The following NAPB variants were observed in gnomAD, a reference collection of about 807,000 sequenced individuals.
The protein encoded by NAPB is NSF attachment protein beta.
A neutral mutation model predicts 44.7 loss-of-function variants in NAPB; 26 were observed. The ratio of observed to expected loss-of-function variants is 0.58; its 90% confidence interval spans 0.43 to 0.81. NAPB has a LOEUF of 0.81. NAPB is among the 30% of genes least tolerant of loss of function. The probability of loss-of-function intolerance (pLI) is 0.00; values close to 1 mark genes in which losing one functional copy is unlikely to be tolerated. For missense variants in NAPB, 315 were observed against 356.4 expected (o/e 0.88, Z 0.94); for synonymous variants, 120 against 116.8 (o/e 1.03, Z -0.18).
intron 3 of NAPB, 112 bp from the exon 4 acceptor site, chr20:23,395,297 A>G (rs1448338799): frequency 9.8e-6 from 11 of 1,123,870 alleles, no homozygotes; most frequent in African/African-American, 4.7e-5. Flanking sequence ...ATAATTTTGG[A>G]GTGGAGGGTG....
chr20:23,392,798 T>G (rs1342660560), intron 5 of NAPB, among the ~76,000 whole-genome samples: 1 of 151,868 alleles, frequency 6.6e-6, no homozygotes, highest in Non-Finnish European at 1.5e-5. Context: ...GGTAGGATTA[T>G]AGGCATCAGC....
At chr20:23,395,106 C>A in intron 4 of NAPB, 33 bp downstream of exon 4, 2 of 1,614,078 alleles carry the variant, frequency 1.2e-6, no homozygotes, top group Non-Finnish European at 1.7e-6. Flanking sequence ...CAAGACTCCA[C>A]CCCACAGCCA....
At chr20:23,379,784 C>G (rs1186452581) in intron 9 of NAPB, 83 bp downstream of exon 9, 52 of 1,014,192 alleles carry the variant, frequency 5.1e-5, no homozygotes, top group Admixed American at 8.8e-5. Flanking sequence ...TAGATTAAAA[C>G]TTCACTTCAT....
chr20:23,405,900 GTTAGTGGTT>G (rs1985218151), intron 1 of NAPB, among the ~76,000 whole-genome samples: 1 of 152,172 alleles, frequency 6.6e-6, no homozygotes, highest in African/African-American at 2.4e-5. Context: ...CAGAAAACAG[GTTAGTGGTT>G]GGTAGTGCTA....
At chr20:23,401,536 G>C (rs1340053531) in intron 2 of NAPB, among the ~76,000 whole-genome samples, 15 of 152,158 alleles carry the variant, frequency 9.9e-5, no homozygotes, top group Non-Finnish European at 4.4e-5. Flanking sequence ...TGGCCTCTCT[G>C]AAATGGAATT....
intron 1 of NAPB, among the ~76,000 whole-genome samples, chr20:23,411,893 T>C (rs753786090): frequency 2.6e-5 from 4 of 152,154 alleles, no homozygotes; most frequent in Non-Finnish European, 4.4e-5. Flanking sequence ...GTATGACAGT[T>C]AAGAACCAAT....
intron 8 of NAPB, chr20:23,381,001 A>C: frequency 2.0e-6 from 1 of 504,838 alleles, no homozygotes; most frequent in Non-Finnish European, 3.6e-6. Context: ...TCAGGGTGGT[A>C]TGGCTATAAA....
At chr20:23,416,976 T>C (rs746608917) in intron 1 of NAPB, among the ~76,000 whole-genome samples, 17 of 152,218 alleles carry the variant, frequency 1.1e-4, no homozygotes, top group Non-Finnish European at 1.3e-4. Context: ...TTTCATTAAA[T>C]TTACATTGAC....
chr20:23,406,834 A>C (rs1985289145), intron 1 of NAPB, among the ~76,000 whole-genome samples: 1 of 152,244 alleles, frequency 6.6e-6, no homozygotes, highest in Non-Finnish European at 1.5e-5. Context: ...AAATAAAACT[A>C]GCTTAATTAA....
At chr20:23,390,414 G>C (rs1173702725) in intron 5 of NAPB, 150 bp from the exon 6 acceptor site, 1 of 670,608 alleles carries the variant, frequency 1.5e-6, no homozygotes, top group Non-Finnish European at 2.6e-6. Context: ...ATACAAGAAA[G>C]CATGCACCTC....
chr20:23,386,747 T>C (rs1361095696), intron 7 of NAPB, among the ~76,000 whole-genome samples: 1 of 152,208 alleles, frequency 6.6e-6, no homozygotes, highest in Admixed American at 6.5e-5. Context: ...AGCCGACAAC[T>C]GAAAGCTCTT....
At chr20:23,394,686 G>T (rs779058005) in intron 5 of NAPB, among the ~76,000 whole-genome samples, 2 of 152,230 alleles carry the variant, frequency 1.3e-5, no homozygotes, top group African/African-American at 4.8e-5. Context: ...GAATCAGAGA[G>T]AGTGGAAACA....
chr20:23,405,646 C>G (rs1985198130), intron 1 of NAPB, among the ~76,000 whole-genome samples: 1 of 152,112 alleles, frequency 6.6e-6, no homozygotes, highest in South Asian at 2.1e-4. Context: ...ATCACTTGAA[C>G]CTGGGAGGCG....
At chr20:23,394,160 A>G (rs891063621) in intron 5 of NAPB, among the ~76,000 whole-genome samples, 2 of 152,136 alleles carry the variant, frequency 1.3e-5, no homozygotes, top group African/African-American at 4.8e-5. Context: ...GTATGATGCA[A>G]TGCTTAGAAG....
At chr20:23,418,565 A>T (rs1008749329) in intron 1 of NAPB, among the ~76,000 whole-genome samples, 3 of 152,220 alleles carry the variant, frequency 2.0e-5, no homozygotes, top group Non-Finnish European at 2.9e-5. Context: ...TATTACTGGA[A>T]ATAACAGTCT....
At chr20:23,400,447 C>T (rs894933890) in intron 2 of NAPB, among the ~76,000 whole-genome samples, 3 of 151,978 alleles carry the variant, frequency 2.0e-5, no homozygotes, top group Non-Finnish European at 4.4e-5. Context: ...ACTCGGGAGG[C>T]GGAGGTTGCA....
Position 23,397,160 on chromosome 20 carries a change from GGC to G in NAPB, c.205_206del (p.Ala69GlnfsTer11), listed in dbSNP as rs1456666889. 6.2e-7 allele frequency: 1 copy of G among 1,612,714 alleles called. No individual in the cohort carries two copies. The highest frequency in any genetic ancestry group is 2.2e-5 in the East Asian group (1 of 44,858). ...TGCTCTGAAGCTGCATGTGGAGCTT[GGC>G]TGCCTGACAAAATGCGTTTCCTGCA... Reference protein sequence around the residue: ...SAAGNAFCQAAKLHMQLQSKH... With the variant: ...SAAGNAFCQAXKLHMQLQSKH... On this transcript the variant is annotated frameshift_variant, in exon 3 of 11. Transcript: ENST00000377026. LOFTEE classifies it high-confidence loss of function.
intron 9 of NAPB, 34 bp from the exon 10 acceptor site, chr20:23,379,529 T>C: frequency 6.6e-7 from 1 of 1,517,824 alleles, no homozygotes; most frequent in Non-Finnish European, 9.0e-7. Flanking sequence ...AAAACAGTTC[T>C]GTAAGATGAA....
At chr20:23,416,997 T>C (rs1005006185) in intron 1 of NAPB, among the ~76,000 whole-genome samples, 1 of 152,358 alleles carries the variant, frequency 6.6e-6, no homozygotes, top group African/African-American at 2.4e-5. Context: ...ATTGCCAAAT[T>C]TGTAGCTCTT....
Sources: gnomAD v4.1 joint callset for allele counts (sites outside exome capture counted in the v4.1 genomes callset) on GRCh38, gnomAD v4.1.1 for gene constraint, MANE v1.5 for transcripts, NCBI Gene and HGNC (gene_info 2026-07-23, HGNC 2026-07-21) for gene names.